LRRC37A3: variants seen among roughly 807,000 people sequenced by gnomAD.
The protein encoded by LRRC37A3 is leucine-rich repeat-containing protein 37A3.
In LRRC37A3, 25 loss-of-function variants were observed where a neutral mutation model predicts 106.2. The observed-to-expected ratio is 0.24, with a 90% CI of 0.17 to 0.33. LRRC37A3 has a LOEUF of 0.33. Ranked by LOEUF, LRRC37A3 falls within the 10% of genes least tolerant of loss-of-function variation. The pLI is 1.00. For synonymous variants in LRRC37A3, 305 were observed against 635.8 expected (o/e 0.48, Z 7.83); for missense variants, 712 against 1,644.9 (o/e 0.43, Z 9.81).
chr17:64,877,801 A>C (rs1444944923), intron 8 of LRRC37A3, among the ~76,000 whole-genome samples: 6 of 152,238 alleles, frequency 3.9e-5, no homozygotes, highest in African/African-American at 1.2e-4. Flanking sequence ...TGGAATGTGG[A>C]CAGACAAATA....
At chr17:64,859,116 T>A (rs1363672099) in intron 12 of LRRC37A3, among the ~76,000 whole-genome samples, 2 of 151,986 alleles carry the variant, frequency 1.3e-5, no homozygotes, top group Non-Finnish European at 1.5e-5. Flanking sequence ...TCAACCCAGC[T>A]AATTTTCTTA....
At chr17:64,879,991 C>G (rs946742128) in intron 8 of LRRC37A3, among the ~76,000 whole-genome samples, 11 of 152,038 alleles carry the variant, frequency 7.2e-5, no homozygotes, top group African/African-American at 2.7e-4. Flanking sequence ...AAAATTCTCT[C>G]ACTCTCCAAC....
At chr17:64,879,984 A>C (rs1352828504) in intron 8 of LRRC37A3, among the ~76,000 whole-genome samples, 1 of 151,932 alleles carries the variant, frequency 6.6e-6, no homozygotes, top group Non-Finnish European at 1.5e-5. Context: ...TTCCTCCAAA[A>C]TTCTCTCACT....
In LRRC37A3 at chr17:64,918,814, C is replaced by G. The variant is rs975399626; in HGVS notation, c.-560G>C. On this transcript the variant is annotated 5_prime_UTR_variant, in exon 2 of 15. Coordinates refer to ENST00000584306, the MANE Select transcript of LRRC37A3 (RefSeq NM_199340.5). ...CTTTGGGAAGCTGAGGCGGGCGGAT[C>G]GCCTGAGCTCAGGAGTTCGACACCA... 7 of 463,172 alleles carry G rather than the reference C, an allele frequency of 1.5e-5. No individual in the cohort carries two copies. Among genetic ancestry groups the G allele is most frequent in the African/African-American group, 8.4e-5 (4 of 47,634 alleles). 28.7% of individuals were successfully genotyped at this position (463,172 alleles called of 1,614,324 possible).
At chr17:64,857,688 T>G (rs1972725142) in intron 13 of LRRC37A3, among the ~76,000 whole-genome samples, 1 of 152,090 alleles carries the variant, frequency 6.6e-6, no homozygotes. Context: ...GGCTGGAATA[T>G]TCAGGGAAGG....
chr17:64,859,036 C>T (rs150333817), intron 12 of LRRC37A3, among the ~76,000 whole-genome samples, 153 bp from the exon 13 acceptor site: 2,216 of 152,214 alleles, frequency 0.015, 51 homozygotes, highest in African/African-American at 0.05. Flanking sequence ...TCACTAGACT[C>T]GACCTCCCTG....
At chr17:64,893,932 G>T (rs1292587157) in intron 4 of LRRC37A3, among the ~76,000 whole-genome samples, 1 of 148,532 alleles carries the variant, frequency 6.7e-6, no homozygotes, top group Admixed American at 6.6e-5. Flanking sequence ...GATTACAGGC[G>T]TGAGCCACCA....
intron 2 of LRRC37A3, among the ~76,000 whole-genome samples, chr17:64,917,136 C>T (rs1974721285): frequency 6.7e-6 from 1 of 148,894 alleles, no homozygotes; most frequent in Admixed American, 6.9e-5. Flanking sequence ...GTCCCAGCTA[C>T]ACGGGAGGCT....
intron 2 of LRRC37A3, among the ~76,000 whole-genome samples, chr17:64,915,941 T>C (rs1974692244): frequency 1.3e-5 from 2 of 151,798 alleles, no homozygotes; most frequent in Non-Finnish European, 2.9e-5. Context: ...CTATTAAAAA[T>C]ACAAAAATTA....
chr17:64,859,650 C>G lies in LRRC37A3; in HGVS notation c.4496G>C (p.Arg1499Pro), dbSNP rs1184769025. The G allele has an allele frequency of 6.2e-7, 1 of 1,613,472 alleles. No homozygotes were observed. The highest frequency in any genetic ancestry group is 8.5e-7 in the Non-Finnish European group (1 of 1,179,982). ...NVRRLIAHVI[R>P]TLKMDCSGAH... ...CCCAGAGCAGTCCATCTTCAAGGTC[C>G]GGATAACATGAGCAATGAGCCTTCT... Residue 1499 changes from arginine to proline, a missense_variant, in exon 12 of 15, where the codon CGG becomes CCG. Physicochemically the swap from Arg to Pro is moderately radical, Grantham distance 103. Transcript: ENST00000584306.
intron 8 of LRRC37A3, among the ~76,000 whole-genome samples, chr17:64,872,131 CAA>C (rs1225535618): frequency 1.3e-4 from 3 of 22,660 alleles, no homozygotes; most frequent in South Asian, 1.5e-3. Flanking sequence ...GACTCTGTCT[CAA>C]AAAAAAAAAA....
In LRRC37A3 at chr17:64,863,008, T is replaced by C. The variant is rs1226080749; in HGVS notation, c.3064A>G (p.Ser1022Gly). Reference protein sequence around the residue: ...TVELEKLIVPSHMACCLCQFK... With the variant: ...TVELEKLIVPGHMACCLCQFK... The stretch of plus-strand genomic sequence containing the variant: ...TGGCAGAGGCAGCAGGCCATATGGC[T>C]AGGTACGATCCTATAGATGAAAACA... Residue 1022 changes from serine to glycine, a missense_variant, in exon 11 of 15, where the codon AGC becomes GGC. Coordinates refer to ENST00000584306, the MANE Select transcript of LRRC37A3 (RefSeq NM_199340.5). The C allele has an allele frequency of 6.3e-7, 1 of 1,597,948 alleles. No individual in the cohort carries two copies. Among genetic ancestry groups the C allele is most frequent in the South Asian group, 1.1e-5 (1 of 91,008 alleles).
At chr17:64,910,782 C>T (rs922369103) in intron 2 of LRRC37A3, among the ~76,000 whole-genome samples, 15 of 148,664 alleles carry the variant, frequency 1.0e-4, no homozygotes, top group African/African-American at 3.5e-4. Context: ...GCTGGGATTA[C>T]AGGAGCCCAC....
In LRRC37A3 at chr17:64,876,821, C is replaced by A. The variant is rs547078396; in HGVS notation, c.2907-7655G>T. 1.7e-4 allele frequency: 26 copies of A among 152,034 alleles called. No individual in the cohort carries two copies. In the East Asian group the frequency reaches 4.1e-3, roughly 24 times the overall value. The allele number at this position is 152,034 out of a possible 1,614,324, so 9.4% of individuals were successfully genotyped here. A position where few individuals can be genotyped will look rare whatever the true frequency, so the allele number is the denominator to read the frequency against. On this transcript the variant is annotated intron_variant, in intron 8 of 14. Transcript: ENST00000584306. ...ACTTAAAGAAGAATTAACACCAATC[C>A]TTCATAAAGTCTTTCAAAATACAGA... is the stretch of plus-strand genomic sequence containing the variant.
chr17:64,863,039 C>G, intron 10 of LRRC37A3, 21 bp from the exon 11 acceptor site: 1 of 1,597,506 alleles, frequency 6.3e-7, no homozygotes, highest in Non-Finnish European at 8.5e-7. Context: ...AAACAGAGAG[C>G]AATAAATTAG....
rs1973457546 is a variant in LRRC37A3, at chr17:64,874,951, A to G, written c.2907-5785T>C. Among the ~76,000 whole-genome samples the G allele has an allele frequency of 2.6e-5, 4 of 151,956 alleles. No individual in the cohort carries two copies. In the South Asian group the frequency reaches 8.3e-4, roughly 32 times the overall value. On this transcript the variant is annotated intron_variant, in intron 8 of 14. Transcript: ENST00000584306. The stretch of plus-strand genomic sequence containing the variant: ...CTAATCTCAAGTACCCAGGGACACA[A>G]ACACTGTGGAAGGCCGCAGGGTCCT...
At chr17:64,869,244 G>C in intron 8 of LRRC37A3, 78 bp from the exon 9 acceptor site, 3 of 1,593,578 alleles carry the variant, frequency 1.9e-6, no homozygotes, top group Non-Finnish European at 2.6e-6. Context: ...TTCATTTTTT[G>C]GTATGGAACT....
intron 2 of LRRC37A3, among the ~76,000 whole-genome samples, chr17:64,910,973 G>A (rs1974577242): frequency 6.6e-6 from 1 of 151,864 alleles, no homozygotes; most frequent in Non-Finnish European, 1.5e-5. Flanking sequence ...CAGACATTGT[G>A]CTAAGCACTT....
chr17:64,870,764 C>T (rs1434394455), intron 8 of LRRC37A3, among the ~76,000 whole-genome samples: 4 of 151,994 alleles, frequency 2.6e-5, no homozygotes, highest in African/African-American at 9.7e-5. Context: ...TTTTCATTTT[C>T]GTTCTTCATT....
Sources: gnomAD v4.1 joint callset for allele counts (sites outside exome capture counted in the v4.1 genomes callset) on GRCh38, gnomAD v4.1.1 for gene constraint, MANE v1.5 for transcripts, NCBI Gene and HGNC (gene_info 2026-07-23, HGNC 2026-07-21) for gene names.